IGFL2: variants seen among roughly 807,000 people sequenced by gnomAD.
IGFL2 encodes IGF like family member 2.
IGFL2 carries 7 observed loss-of-function variants against 13.9 expected under a neutral mutation model. The ratio of observed to expected loss-of-function variants is 0.51; its 90% confidence interval spans 0.29 to 0.95. IGFL2 has a LOEUF of 0.95. IGFL2 is among the 40% of genes least tolerant of loss of function. The pLI is 0.08. For missense variants in IGFL2, 138 were observed against 147.8 expected, an observed-to-expected ratio of 0.93 and a Z score of 0.34; for synonymous variants, 55 against 55.8, an observed-to-expected ratio of 0.99 and a Z score of 0.07.
chr19:46,132,657 C>T, the IGFL2 span, among the ~76,000 whole-genome samples: 6 of 129,884 alleles, frequency 4.6e-5, no homozygotes, highest in Middle Eastern at 4.5e-3. Flanking sequence ...GGAGGGAAAA[C>T]GATAGAGGGA....
the IGFL2 span, among the ~76,000 whole-genome samples, chr19:46,166,763 G>A: frequency 5.9e-5 from 9 of 152,306 alleles, no homozygotes; most frequent in African/African-American, 1.9e-4. Context: ...AGAATTCAGC[G>A]ATATTTCTCC....
intron 1 of IGFL2, among the ~76,000 whole-genome samples, chr19:46,153,935 G>A (rs1349246621): frequency 1.3e-5 from 2 of 151,638 alleles, no homozygotes; most frequent in East Asian, 3.9e-4. Flanking sequence ...CCGTCATCTA[G>A]GTTTTAAGCC....
intron 1 of IGFL2, among the ~76,000 whole-genome samples, chr19:46,156,441 T>C (rs954096486): frequency 6.6e-6 from 1 of 152,196 alleles, no homozygotes; most frequent in African/African-American, 2.4e-5. Context: ...TTCTAAAGTA[T>C]TGAAGTTTAA....
At chr19:46,191,323 T>C in the IGFL2 span, among the ~76,000 whole-genome samples, 1 of 152,080 alleles carries the variant, frequency 6.6e-6, no homozygotes, top group Admixed American at 6.5e-5. Context: ...CTCCAGGGTA[T>C]GCCTCACTGG....
At chr19:46,098,478 C>CTT in the IGFL2 span, among the ~76,000 whole-genome samples, 627 of 128,364 alleles carry the variant, frequency 4.9e-3, 11 homozygotes, top group African/African-American at 0.016. Context: ...CAATCTGTGT[C>CTT]TTTTTTTTTT....
At chr19:46,171,369 G>A in the IGFL2 span, among the ~76,000 whole-genome samples, 2 of 152,084 alleles carry the variant, frequency 1.3e-5, no homozygotes, top group Non-Finnish European at 1.5e-5. Context: ...ATTATGGGTG[G>A]GGTTCAGATT....
the IGFL2 span, among the ~76,000 whole-genome samples, chr19:46,107,482 C>G: frequency 6.6e-6 from 1 of 152,148 alleles, no homozygotes; most frequent in Non-Finnish European, 1.5e-5. Flanking sequence ...ATTCGTTGGC[C>G]CAGTGGCCAG....
the IGFL2 span, among the ~76,000 whole-genome samples, chr19:46,130,587 C>G: frequency 6.6e-6 from 1 of 152,150 alleles, no homozygotes; most frequent in East Asian, 1.9e-4. Context: ...CCAGTTTAAA[C>G]TAGCTTAAGC....
chr19:46,158,902 A>T (rs1973974193), intron 1 of IGFL2: 2 of 152,154 alleles, frequency 1.3e-5, no homozygotes, highest in Non-Finnish European at 2.9e-5. Context: ...AGTTGTCATC[A>T]CTGAGGGCTG....
At chr19:46,116,947 T>C in the IGFL2 span, among the ~76,000 whole-genome samples, 1 of 151,374 alleles carries the variant, frequency 6.6e-6, no homozygotes, top group Non-Finnish European at 1.5e-5. Context: ...AATTAACTTG[T>C]TTATCTTATA....
chr19:46,126,652 G>A, the IGFL2 span, among the ~76,000 whole-genome samples: 13 of 152,284 alleles, frequency 8.5e-5, no homozygotes, highest in South Asian at 1.9e-3. Context: ...TTCATTAACA[G>A]TAAATTTACG....
the IGFL2 span, chr19:46,124,817 C>T: frequency 2.7e-5 from 18 of 657,244 alleles, no homozygotes; most frequent in Non-Finnish European, 5.5e-6. Flanking sequence ...TAACCAAAGT[C>T]TCCCAAGCAC....
intron 1 of IGFL2, among the ~76,000 whole-genome samples, chr19:46,157,324 A>G (rs1490051378): frequency 6.6e-6 from 1 of 152,184 alleles, no homozygotes. Flanking sequence ...AAGAACAATG[A>G]CAACAACAAA....
the IGFL2 span, chr19:46,124,087 G>A: frequency 1.2e-5 from 20 of 1,611,508 alleles, no homozygotes; most frequent in Non-Finnish European, 3.4e-6. Context: ...CTGCTCTGAA[G>A]GGTTGTAGAT....
At chr19:46,112,380 A>C in the IGFL2 span, among the ~76,000 whole-genome samples, 2 of 152,198 alleles carry the variant, frequency 1.3e-5, no homozygotes, top group Non-Finnish European at 2.9e-5. Flanking sequence ...AGAGTGGACT[A>C]GTGACCCTGT....
intron 1 of IGFL2, chr19:46,159,031 CTTACTATTA>C (rs1393380507): frequency 1.3e-5 from 2 of 152,196 alleles, no homozygotes; most frequent in East Asian, 1.9e-4. Flanking sequence ...TCATCTGCCA[CTTACTATTA>C]TTACTATTAT....
intron 1 of IGFL2, among the ~76,000 whole-genome samples, chr19:46,151,532 T>C (rs1008728828): frequency 1.3e-5 from 2 of 152,230 alleles, no homozygotes; most frequent in African/African-American, 2.4e-5. Context: ...GTATCAATTC[T>C]ACAATTTTGT....
the IGFL2 span, among the ~76,000 whole-genome samples, chr19:46,087,988 A>G: frequency 1.3e-5 from 2 of 152,126 alleles, no homozygotes; most frequent in African/African-American, 2.4e-5. Context: ...ACAGCTCCCT[A>G]TGTTAGTCTC....
chr19:46,106,119 T>C, the IGFL2 span, among the ~76,000 whole-genome samples: 1 of 151,820 alleles, frequency 6.6e-6, no homozygotes, highest in East Asian at 1.9e-4. Flanking sequence ...GTAGAAGGGG[T>C]TGGGGTTTGG....
Sources: allele counts gnomAD v4.1 joint callset (sites outside exome capture counted in the v4.1 genomes callset), GRCh38; gene constraint gnomAD v4.1.1; transcripts MANE v1.5; gene names NCBI Gene and HGNC (gene_info 2026-07-23, HGNC 2026-07-21).